PSD3: variants seen among roughly 807,000 people sequenced by gnomAD.
PSD3 encodes pleckstrin and Sec7 domain containing 3, also known as PH and SEC7 domain-containing protein 3.
A neutral mutation model predicts 105.5 loss-of-function variants in PSD3; 49 were observed. That is an observed-to-expected ratio of 0.46 (90% CI 0.37 to 0.59). The LOEUF is 0.59. Ranked by LOEUF, PSD3 falls within the 20% of genes least tolerant of loss-of-function variation. The probability of loss-of-function intolerance (pLI) is 0.00; values close to 1 mark genes in which losing one functional copy is unlikely to be tolerated. For synonymous variants in PSD3, 557 were observed against 457.8 expected (o/e 1.22, Z -2.77); for missense variants, 1,561 against 1,263.8 (o/e 1.24, Z -3.57).
chr8:18,849,153 T>C (rs1815362529), intron 4 of PSD3: 3 of 152,352 alleles, frequency 2.0e-5, no homozygotes, highest in East Asian at 1.9e-4. Flanking sequence ...AGAAAACTTA[T>C]GCAAGGTAAA....
At chr8:18,901,120 A>G (rs188472163) in intron 2 of PSD3, among the ~76,000 whole-genome samples, 32 of 152,334 alleles carry the variant, frequency 2.1e-4, no homozygotes, top group Admixed American at 2.0e-3. Context: ...AAATGATTAA[A>G]CTAGTATCTA....
intron 4 of PSD3, among the ~76,000 whole-genome samples, chr8:18,826,905 A>G (rs1813235338): frequency 6.6e-6 from 1 of 152,178 alleles, no homozygotes; most frequent in East Asian, 1.9e-4. Context: ...AGTGATATCA[A>G]TGGTATGATA....
At chr8:18,627,711 G>C (rs375421194) in intron 11 of PSD3, among the ~76,000 whole-genome samples, 5 of 151,816 alleles carry the variant, frequency 3.3e-5, no homozygotes, top group African/African-American at 1.2e-4. Context: ...AGAAAATCCA[G>C]TGTTTTTTTT....
At position 18,582,647 on chromosome 8, in the gene PSD3, T is replaced by A. The variant is rs185264218; in HGVS notation, c.2482-7362A>T. Among the ~76,000 whole-genome samples, 256 of 152,120 alleles carry A rather than the reference T, an allele frequency of 1.7e-3. 3 individuals carry two copies. The highest frequency in any genetic ancestry group is 0.016 in the South Asian group (76 of 4,832). On this transcript the variant is annotated intron_variant, in intron 12 of 15. Transcript: ENST00000327040. The stretch of plus-strand genomic sequence containing the variant: ...TATGCATAATTGCTTACTGGACACA[T>A]CCATTTATTATTCCACACACTCTGA...
In PSD3 at chr8:18,946,832, G is replaced by A. The variant is rs183764928; in HGVS notation, c.22-10690C>T. Among the ~76,000 whole-genome samples, 234 of 150,030 alleles carry A rather than the reference G, an allele frequency of 1.6e-3. 1 individual carries two copies. Among genetic ancestry groups the A allele is most frequent in the African/African-American group, 5.5e-3 (226 of 40,870 alleles). On this transcript the variant is annotated intron_variant, in intron 1 of 15. Transcript: ENST00000327040. The stretch of plus-strand genomic sequence containing the variant: ...GGACAGGAGAATTGCTTGAACCTGG[G>A]AGACGAAGGTTGCAGTGAGCTGAGA...
At chr8:18,843,573 G>A (rs1814830868) in intron 4 of PSD3, among the ~76,000 whole-genome samples, 1 of 152,118 alleles carries the variant, frequency 6.6e-6, no homozygotes, top group Admixed American at 6.5e-5. Context: ...TCTAATAACA[G>A]CTTTGAGATA....
intron 1 of PSD3, among the ~76,000 whole-genome samples, chr8:18,996,567 C>A (rs74498791): frequency 6.6e-6 from 1 of 151,946 alleles, no homozygotes; most frequent in South Asian, 2.1e-4. Flanking sequence ...TTTTAAATTA[C>A]ACCAAAGGTC....
At chr8:18,542,326 G>C (rs1235901788) in intron 15 of PSD3, among the ~76,000 whole-genome samples, 3 of 152,186 alleles carry the variant, frequency 2.0e-5, no homozygotes, top group Admixed American at 2.0e-4. Context: ...GACATGTAAA[G>C]TATCAGGAGC....
At chr8:18,882,306 G>A (rs1818157350) in intron 2 of PSD3, among the ~76,000 whole-genome samples, 1 of 152,176 alleles carries the variant, frequency 6.6e-6, no homozygotes, top group Non-Finnish European at 1.5e-5. Context: ...TGTCACCCAA[G>A]TCCTACCCGT....
intron 11 of PSD3, among the ~76,000 whole-genome samples, chr8:18,624,862 A>T (rs1476651731): frequency 6.6e-6 from 1 of 150,834 alleles, no homozygotes; most frequent in African/African-American, 2.4e-5. Context: ...ATACATATCA[A>T]TTTTTTTTTA....
intron 1 of PSD3, among the ~76,000 whole-genome samples, chr8:18,962,437 G>A (rs1220475362): frequency 1.3e-5 from 2 of 151,910 alleles, no homozygotes; most frequent in Admixed American, 6.6e-5. Flanking sequence ...TTAAAGTTGG[G>A]AATATATGAC....
At chr8:18,602,037 G>A (rs1344805194) in intron 11 of PSD3, among the ~76,000 whole-genome samples, 1 of 152,064 alleles carries the variant, frequency 6.6e-6, no homozygotes, top group East Asian at 1.9e-4. Flanking sequence ...TTAAAATGTG[G>A]GTAATTCCTA....
chr8:18,539,987 C>T (rs1340708722), intron 15 of PSD3, among the ~76,000 whole-genome samples: 1 of 152,132 alleles, frequency 6.6e-6, no homozygotes, highest in East Asian at 1.9e-4. Flanking sequence ...ACAGCCTCTT[C>T]TTTCGTACTA....
chr8:18,682,598 A>T (rs1437049303), intron 9 of PSD3, among the ~76,000 whole-genome samples: 8 of 152,200 alleles, frequency 5.3e-5, no homozygotes, highest in Non-Finnish European at 1.5e-5. Flanking sequence ...TACTGGAGCC[A>T]GGCAATTTGC....
chr8:18,929,096 A>G (rs1821570477), intron 2 of PSD3, among the ~76,000 whole-genome samples: 1 of 152,206 alleles, frequency 6.6e-6, no homozygotes, highest in African/African-American at 2.4e-5. Context: ...GATGAATTGT[A>G]TGGTTTACAA....
At chr8:18,948,893 G>A (rs931712690) in intron 1 of PSD3, among the ~76,000 whole-genome samples, 4 of 151,956 alleles carry the variant, frequency 2.6e-5, no homozygotes, top group Non-Finnish European at 5.9e-5. Flanking sequence ...ACCTTAGTTT[G>A]CTATATCTCT....
intron 9 of PSD3, among the ~76,000 whole-genome samples, chr8:18,752,634 A>ATATATAATATATATATTATATAT (rs1805690872): frequency 2.8e-5 from 2 of 70,342 alleles, no homozygotes; most frequent in Admixed American, 2.5e-4. Flanking sequence ...ATTATATATA[A>ATATATAATATATATATTATATAT]TATATATAAT....
At chr8:18,844,546 A>C (rs115181025) in intron 4 of PSD3, among the ~76,000 whole-genome samples, 3,354 of 152,242 alleles carry the variant, frequency 0.022, 112 homozygotes, top group African/African-American at 0.068. Context: ...CCTTGAGCCC[A>C]AACCACATTA....
intron 1 of PSD3, among the ~76,000 whole-genome samples, chr8:19,023,471 C>T (rs897407105): frequency 2.6e-5 from 4 of 151,706 alleles, no homozygotes; most frequent in Non-Finnish European, 1.5e-5. Context: ...CTCTGTCACC[C>T]AGGCTGTAGG....
Sources: allele counts gnomAD v4.1 joint callset (sites outside exome capture counted in the v4.1 genomes callset), GRCh38; gene constraint gnomAD v4.1.1; transcripts MANE v1.5; gene names NCBI Gene and HGNC (gene_info 2026-07-23, HGNC 2026-07-21).